Variants in PCDHGB1 observed in about 807,000 individuals in gnomAD.
PCDHGB1 encodes protocadherin gamma-B1.
A neutral mutation model predicts 56.6 loss-of-function variants in PCDHGB1; 34 were observed. The ratio of observed to expected loss-of-function variants is 0.60; its 90% CI spans 0.46 to 0.80. PCDHGB1 has a LOEUF of 0.80. Among genes scored for constraint, PCDHGB1 ranks in the 30% least tolerant of loss-of-function variants. The pLI, the probability that PCDHGB1 is intolerant of heterozygous loss-of-function variation, is 0.00. For missense variants in PCDHGB1, 1,278 were observed against 1,204.6 expected (o/e 1.06, Z -0.90); for synonymous variants, 561 against 505.9 (o/e 1.11, Z -1.46).
rs2099396190 is a variant in PCDHGB1 at position 141,476,685 on chromosome 5, G to A, written c.2410-18122G>A. On this transcript the variant is annotated intron_variant, in intron 1 of 3. Coordinates refer to ENST00000523390, the MANE Select transcript of PCDHGB1 (RefSeq NM_018922.3). This position sits in a 1 kb window ranked among gnomAD's most constrained non-coding sequence, Gnocchi z 7.6. ...CTTCGCGTGCAGACGCGGGAGGACA[G>A]CACCAAGTACGCGGAGCTGGTGTTG... 3.1e-6 allele frequency: 5 copies of A among 1,614,102 alleles called. No homozygotes were observed.
At chr5:141,393,218 C>G (rs1157907229) in intron 1 of PCDHGB1, 2 of 1,613,598 alleles carry the variant, frequency 1.2e-6, no homozygotes, top group Admixed American at 3.3e-5. Flanking sequence ...AATTCCAGGT[C>G]GAAGATCTAG....
At chr5:141,361,570 C>G (rs1405312992) in intron 1 of PCDHGB1, 1 of 1,613,918 alleles carries the variant, frequency 6.2e-7, no homozygotes, top group Non-Finnish European at 8.5e-7. Flanking sequence ...TGCCTCTGAC[C>G]CTGACTTGGG....
chr5:141,433,358 CCTATCTAT>C lies in PCDHGB1; in HGVS notation c.2410-61408_2410-61401del, dbSNP rs3074541. On this transcript the variant is annotated intron_variant, in intron 1 of 3. Transcript: ENST00000523390. ...ACAGGTGCAAGCCACCTACTGTCTG[CCTATCTAT>C]CTATCTATCTATCTATCTATCTATC... is the stretch of plus-strand genomic sequence containing the variant. The C allele has an allele frequency of 7.0e-3, 3,504 of 501,060 alleles. 20 individuals carry two copies. The highest frequency in any genetic ancestry group is 7.9e-3 in the Non-Finnish European group (2,251 of 285,142). The allele number at this position is 501,060 out of a possible 1,614,324, so 31.0% of individuals were successfully genotyped here.
chr5:141,390,052 G>C (rs2092030783), intron 1 of PCDHGB1: 1 of 1,613,960 alleles, frequency 6.2e-7, no homozygotes, highest in Non-Finnish European at 8.5e-7. Context: ...GCCTCCTGGA[G>C]CTGCTTCCAG....
At chr5:141,371,133 T>C (rs772495360) in intron 1 of PCDHGB1, 1 of 1,614,000 alleles carries the variant, frequency 6.2e-7, no homozygotes, top group Non-Finnish European at 8.5e-7. Flanking sequence ...TCAGGACATG[T>C]ACAGGGTCAA....
intron 1 of PCDHGB1, among the ~76,000 whole-genome samples, chr5:141,447,851 C>A (rs961725006): frequency 6.6e-6 from 1 of 151,980 alleles, no homozygotes; most frequent in African/African-American, 2.4e-5. Flanking sequence ...TTTGGGAGGC[C>A]GAGGTGGGTG....
Position 141,355,345 on chromosome 5 carries a change from G to C in PCDHGB1, c.2409+2676G>C. 6.2e-7 allele frequency: 1 copy of C among 1,614,020 alleles called. No homozygotes were observed. The highest frequency in any genetic ancestry group is 1.7e-5 in the Admixed American group (1 of 60,032). On this transcript the variant is annotated intron_variant, in intron 1 of 3. Coordinates refer to ENST00000523390, the MANE Select transcript of PCDHGB1 (RefSeq NM_018922.3). ...AGAAGGCTCAGTGGTGGGCAACATCGCCAAGGACCTGGGGTTGGCGCCCCG... is the reference window on the plus strand; with the variant it reads ...AGAAGGCTCAGTGGTGGGCAACATCCCCAAGGACCTGGGGTTGGCGCCCCG...
At chr5:141,383,967 C>G in intron 1 of PCDHGB1, 1 of 1,613,458 alleles carries the variant, frequency 6.2e-7, no homozygotes, top group Non-Finnish European at 8.5e-7. Context: ...GTAGCTCAAT[C>G]CCTGAAGACA....
At position 141,361,648 on chromosome 5, in the gene PCDHGB1, G is replaced by C. The variant is rs1364656645; in HGVS notation, c.2409+8979G>C. 10 of 1,613,678 alleles carry C rather than the reference G, an allele frequency of 6.2e-6. No individual in the cohort carries two copies. Among genetic ancestry groups the C allele is most frequent in the Admixed American group, 5.0e-5 (3 of 60,014 alleles). ...GAAGCCGCGGGAGATTTTATCCTAC[G>C]TGTCCGTGAGCGCGCAGAGCGGGGT... On this transcript the variant is annotated intron_variant, in intron 1 of 3. Coordinates refer to ENST00000523390, the MANE Select transcript of PCDHGB1 (RefSeq NM_018922.3).
At chr5:141,375,187 T>A in intron 1 of PCDHGB1, 1 of 1,613,994 alleles carries the variant, frequency 6.2e-7, no homozygotes, top group Non-Finnish European at 8.5e-7. Flanking sequence ...TAATCGCCCT[T>A]TTTCAAGTGT....
At position 141,490,341 on chromosome 5, in the gene PCDHGB1, A is replaced by C. The variant is rs778299384; in HGVS notation, c.2410-4466A>C. ...TCCTAGAGAGCACACCAGTGGGCACAGTAGTGGGGTTGTTTAATGTGCGAG... is the reference window on the plus strand; with the variant it reads ...TCCTAGAGAGCACACCAGTGGGCACCGTAGTGGGGTTGTTTAATGTGCGAG... On this transcript the variant is annotated intron_variant, in intron 1 of 3. Coordinates refer to ENST00000523390, the MANE Select transcript of PCDHGB1 (RefSeq NM_018922.3). This position sits in a 1 kb window ranked among gnomAD's most constrained non-coding sequence, Gnocchi z 5.4. The C allele has an allele frequency of 5.0e-6, 8 of 1,614,204 alleles. No homozygotes were observed. The South Asian group carries it at 8.8e-5, about 18-fold the overall frequency.
At chr5:141,354,514 A>G (rs1759561296) in intron 1 of PCDHGB1, among the ~76,000 whole-genome samples, 1 of 152,188 alleles carries the variant, frequency 6.6e-6, no homozygotes, top group South Asian at 2.1e-4. Flanking sequence ...TTTGCAAGGG[A>G]ATTGAAGCAT....
rs1190624035 is a variant in PCDHGB1, at chr5:141,432,332, T to G, written c.2410-62475T>G. ...GCTGAGCTCCTTCGACTACGAGCAG[T>G]TCCGAGACTTGCAAGTGAAAGTGAT... On this transcript the variant is annotated intron_variant, in intron 1 of 3. Coordinates refer to ENST00000523390, the MANE Select transcript of PCDHGB1 (RefSeq NM_018922.3). The surrounding 1 kb of genome is among the most constrained non-coding windows in gnomAD (Gnocchi z 6.0). The G allele has an allele frequency of 2.5e-6, 4 of 1,614,116 alleles. No homozygotes were observed. In the African/African-American group the frequency reaches 5.3e-5, roughly 22 times the overall value.
chr5:141,494,613 G>A (rs2099755672), intron 1 of PCDHGB1, among the ~76,000 whole-genome samples, 194 bp from the exon 2 acceptor site: 1 of 152,136 alleles, frequency 6.6e-6, no homozygotes, highest in Non-Finnish European at 1.5e-5. Context: ...TTATCTCTTG[G>A]TTTCTGGTAC....
At chr5:141,372,270 G>A in intron 1 of PCDHGB1, 1 of 1,613,182 alleles carries the variant, frequency 6.2e-7, no homozygotes, top group African/African-American at 1.3e-5. Flanking sequence ...CACGGGTGAG[G>A]TGCGCACGGC....
At chr5:141,433,031 T>G (rs2097561851) in intron 1 of PCDHGB1, 2 of 1,614,088 alleles carry the variant, frequency 1.2e-6, no homozygotes, top group Non-Finnish European at 8.5e-7. Flanking sequence ...CCACGAGGTT[T>G]CCCTCACCAC....
chr5:141,470,860 T>G (rs2099242265), intron 1 of PCDHGB1, among the ~76,000 whole-genome samples: 1 of 151,788 alleles, frequency 6.6e-6, no homozygotes, highest in South Asian at 2.1e-4. Context: ...GATAAGTTTT[T>G]TGTTTGTTTG....
In PCDHGB1 at chr5:141,454,796, A is replaced by ATTTT. The variant is rs61612330; in HGVS notation, c.2410-39985_2410-39982dup. Among the ~76,000 whole-genome samples, 123 of 77,452 alleles carry ATTTT rather than the reference A, an allele frequency of 1.6e-3. 16 individuals are homozygous for ATTTT. The highest frequency in any genetic ancestry group is 7.2e-3 in the South Asian group (14 of 1,958). 50.8% of individuals were successfully genotyped at this position (77,452 alleles called of 152,430 possible). On this transcript the variant is annotated intron_variant, in intron 1 of 3. Coordinates refer to ENST00000523390, the MANE Select transcript of PCDHGB1 (RefSeq NM_018922.3). ...AAGGAAATAATCCTCCATGGTTCTAATTTTTTTTTTTTTTTTTTTTTTTTT... is the reference window on the plus strand; with the variant it reads ...AAGGAAATAATCCTCCATGGTTCTAATTTTTTTTTTTTTTTTTTTTTTTTTTTTT...
rs2095058812 is a variant in PCDHGB1 at position 141,408,208 on chromosome 5, A to T, written c.2409+55539A>T. ...AGCGAGAACCCGAGCGAACGATGGGAGGGAGCTGCGCGCAGAGGCGCCGGG... is the reference window on the plus strand; with the variant it reads ...AGCGAGAACCCGAGCGAACGATGGGTGGGAGCTGCGCGCAGAGGCGCCGGG... On this transcript the variant is annotated intron_variant, in intron 1 of 3. Transcript: ENST00000523390. The T allele has an allele frequency of 1.9e-6, 3 of 1,553,236 alleles. No homozygotes were observed. The East Asian group carries it at 7.3e-5, about 38-fold the overall frequency.
Sources: allele counts gnomAD v4.1 joint callset (sites outside exome capture counted in the v4.1 genomes callset), GRCh38; gene constraint gnomAD v4.1.1; non-coding constraint Gnocchi (gnomAD v3.1); transcripts MANE v1.5; gene names NCBI Gene and HGNC (gene_info 2026-07-23, HGNC 2026-07-21).